CA1: variants seen among roughly 807,000 people sequenced by gnomAD.
CA1 encodes carbonate dehydratase I.
Under a neutral mutation model 28.8 loss-of-function variants are expected in CA1, and 27 were observed. The ratio of observed to expected loss-of-function variants is 0.94; its 90% CI spans 0.69 to 1.29. The LOEUF is 1.29. Among genes scored for constraint, CA1 ranks in the 50% most tolerant of loss-of-function variants. CA1 has a pLI of 0.00. For synonymous variants in CA1, 121 were observed against 108.8 expected, an observed-to-expected ratio of 1.11 and a Z score of -0.70; for missense variants, 335 against 310.5, an observed-to-expected ratio of 1.08 and a Z score of -0.59.
chr8:85,330,731 C>T (rs1485800007), intron 6 of CA1, among the ~76,000 whole-genome samples: 2 of 152,086 alleles, frequency 1.3e-5, no homozygotes, highest in African/African-American at 4.8e-5. Flanking sequence ...GTTTTCTTCA[C>T]CTTTAACTAG....
Sources: allele counts gnomAD v4.1 joint callset (sites outside exome capture counted in the v4.1 genomes callset), GRCh38; gene constraint gnomAD v4.1.1; transcripts MANE v1.5; gene names NCBI Gene and HGNC (gene_info 2026-07-23, HGNC 2026-07-21).